Variants in CAB39 observed in about 807,000 individuals in gnomAD.
CAB39 encodes the protein calcium binding protein 39, also known as calcium-binding protein 39.
Under a neutral mutation model 40.0 loss-of-function variants are expected in CAB39, and 8 were observed. That is an observed-to-expected ratio of 0.20 (90% CI 0.12 to 0.36). CAB39 has a LOEUF of 0.36. Ranked by LOEUF, CAB39 falls within the 10% of genes least tolerant of loss-of-function variation. The probability of loss-of-function intolerance (pLI) is 1.00; values close to 1 mark genes in which losing one functional copy is unlikely to be tolerated. For missense variants in CAB39, 270 were observed against 401.1 expected (o/e 0.67, Z 2.79); for synonymous variants, 156 against 141.6 (o/e 1.10, Z -0.72).
intron 2 of CAB39, among the ~76,000 whole-genome samples, chr2:230,761,287 G>A (rs1225987349): frequency 1.3e-5 from 2 of 152,138 alleles, no homozygotes; most frequent in Non-Finnish European, 2.9e-5. Context: ...CATAGTCTCT[G>A]GTTCTGTGGC....
intron 1 of CAB39, among the ~76,000 whole-genome samples, chr2:230,727,847 C>T (rs1220693241): frequency 1.3e-5 from 2 of 151,866 alleles, no homozygotes; most frequent in African/African-American, 2.4e-5. Context: ...ACATAAATAC[C>T]CATATATAAA....
intron 1 of CAB39, among the ~76,000 whole-genome samples, chr2:230,739,934 C>G (rs1381523619): frequency 6.6e-6 from 1 of 152,156 alleles, no homozygotes; most frequent in African/African-American, 2.4e-5. Flanking sequence ...ACTGCAAGTT[C>G]GATCTTATCA....
Position 230,808,189 on chromosome 2 carries a change from C to T in CAB39, c.568-2074C>T, listed in dbSNP as rs538576170. Among the ~76,000 whole-genome samples the T allele has an allele frequency of 2.6e-4, 39 of 151,892 alleles. 2 individuals are homozygous for T. Among genetic ancestry groups the T allele is most frequent in the Admixed American group, 1.9e-3 (29 of 15,236 alleles). On this transcript the variant is annotated intron_variant, in intron 5 of 8. Transcript: ENST00000258418. ...GCAACTTCCACCTCCTGGGTTCAAGCGATTCTCCTGCCTCAGCCTCCTGAG... is the reference window on the plus strand; with the variant it reads ...GCAACTTCCACCTCCTGGGTTCAAGTGATTCTCCTGCCTCAGCCTCCTGAG...
In CAB39 at chr2:230,820,848, A is replaced by G. The variant is rs1302064436; in HGVS notation, c.*2144A>G. Reference sequence around the variant, plus strand: ...GAAGTTATGATCATTTAATATATTCATATTACCAAGACTATTATACTGGAA... The same window carrying G: ...GAAGTTATGATCATTTAATATATTCGTATTACCAAGACTATTATACTGGAA... On this transcript the variant is annotated 3_prime_UTR_variant, in exon 9 of 9. Transcript: ENST00000258418. The G allele has an allele frequency of 1.3e-5, 2 of 152,652 alleles. No homozygotes were observed. Among genetic ancestry groups the G allele is most frequent in the East Asian group, 1.9e-4 (1 of 5,202 alleles). The allele number at this position is 152,652 out of a possible 1,614,324, so 9.5% of individuals were successfully genotyped here.
chr2:230,815,041 G>A (rs556637501), intron 7 of CAB39, among the ~76,000 whole-genome samples: 16 of 152,312 alleles, frequency 1.1e-4, no homozygotes, highest in African/African-American at 3.8e-4. Context: ...CTACCGTGGG[G>A]AAATCTCCCT....
chr2:230,754,513 CCTT>C (rs1233561349), intron 1 of CAB39, among the ~76,000 whole-genome samples: 1 of 151,074 alleles, frequency 6.6e-6, no homozygotes, highest in Non-Finnish European at 1.5e-5. Flanking sequence ...CCTCATCCCT[CCTT>C]CTCCTCCTCT....
intron 8 of CAB39, 45 bp from the exon 9 acceptor site, chr2:230,818,471 G>C (rs748968569): frequency 6.4e-7 from 1 of 1,557,002 alleles, no homozygotes. Context: ...GTGTGGCTGC[G>C]TTTTGTCCTT....
intron 2 of CAB39, among the ~76,000 whole-genome samples, chr2:230,761,811 T>C (rs990847773): frequency 3.3e-5 from 5 of 152,222 alleles, no homozygotes; most frequent in African/African-American, 1.2e-4. Flanking sequence ...ATTGAAACAA[T>C]TTATAATAAG....
At chr2:230,742,976 T>A (rs944231130) in intron 1 of CAB39, among the ~76,000 whole-genome samples, 6 of 152,224 alleles carry the variant, frequency 3.9e-5, no homozygotes, top group African/African-American at 1.4e-4. Context: ...AGAATCTTCC[T>A]TGGCTGCATT....
At position 230,814,486 on chromosome 2, in the gene CAB39, A is replaced by T. The variant is rs529594206; in HGVS notation, c.693+372A>T. On this transcript the variant is annotated intron_variant, in intron 7 of 8. Transcript: ENST00000258418. The stretch of plus-strand genomic sequence containing the variant: ...AGGTGTGTGAGGGTGGAGGGAGGCG[A>T]TGTGCGTGTGAGGCTGTGGACCGTA... Among the ~76,000 whole-genome samples, 3 of 152,166 alleles carry T rather than the reference A, an allele frequency of 2.0e-5. No individual in the cohort carries two copies. The South Asian group carries it at 6.2e-4, about 32-fold the overall frequency.
At chr2:230,803,157 T>C (rs1200602615) in intron 5 of CAB39, among the ~76,000 whole-genome samples, 22 of 152,136 alleles carry the variant, frequency 1.4e-4, no homozygotes, top group Admixed American at 1.2e-3. Context: ...ACAAAAACCA[T>C]GTGATTATCT....
intron 4 of CAB39, among the ~76,000 whole-genome samples, chr2:230,793,582 A>C (rs1049505483): frequency 6.6e-6 from 1 of 152,230 alleles, no homozygotes; most frequent in Non-Finnish European, 1.5e-5. Context: ...AGCATGACTG[A>C]AGGAAAAAAT....
intron 1 of CAB39, among the ~76,000 whole-genome samples, chr2:230,740,071 A>G (rs914740927): frequency 3.3e-5 from 5 of 152,180 alleles, no homozygotes; most frequent in African/African-American, 9.7e-5. Context: ...TATAAGTGCT[A>G]TTTGGTGACT....
intron 1 of CAB39, among the ~76,000 whole-genome samples, chr2:230,716,005 G>T (rs1413459900): frequency 2.0e-5 from 3 of 152,076 alleles, no homozygotes; most frequent in Non-Finnish European, 4.4e-5. Context: ...CTGGATATCT[G>T]TTTTTTTATT....
intron 2 of CAB39, among the ~76,000 whole-genome samples, chr2:230,785,010 C>G (rs1695764169): frequency 6.6e-6 from 1 of 152,180 alleles, no homozygotes; most frequent in Non-Finnish European, 1.5e-5. Flanking sequence ...TTGTCCAGGA[C>G]TAGTTAAGGA....
chr2:230,724,593 A>G (rs1385712520), intron 1 of CAB39, among the ~76,000 whole-genome samples: 1 of 151,596 alleles, frequency 6.6e-6, no homozygotes, highest in Non-Finnish European at 1.5e-5. Context: ...AGGCAGGAGA[A>G]TCACTTGAAC....
intron 1 of CAB39, among the ~76,000 whole-genome samples, chr2:230,718,409 G>T (rs2124848361): frequency 6.6e-6 from 1 of 152,284 alleles, no homozygotes; most frequent in African/African-American, 2.4e-5. Context: ...ACTTGGACAG[G>T]TTTCTGTTTA....
chr2:230,735,392 C>T (rs1337159722), intron 1 of CAB39, among the ~76,000 whole-genome samples: 5 of 152,160 alleles, frequency 3.3e-5, no homozygotes, highest in African/African-American at 1.2e-4. Flanking sequence ...GTCTTGAACT[C>T]CTGGCCTCAA....
chr2:230,777,023 A>G (rs1348446600), intron 2 of CAB39, among the ~76,000 whole-genome samples: 1 of 152,044 alleles, frequency 6.6e-6, no homozygotes, highest in African/African-American at 2.4e-5. Flanking sequence ...TATTCTAACT[A>G]GTATATTGGA....
Sources: allele counts gnomAD v4.1 joint callset (sites outside exome capture counted in the v4.1 genomes callset), GRCh38; gene constraint gnomAD v4.1.1; transcripts MANE v1.5; gene names NCBI Gene and HGNC (gene_info 2026-07-23, HGNC 2026-07-21).